The following ZZEF1 variants were observed in gnomAD, a reference collection of about 807,000 sequenced individuals.
The protein encoded by ZZEF1 is zinc finger ZZ-type and EF-hand domain containing 1.
In ZZEF1, 157 loss-of-function variants were observed where a neutral mutation model predicts 342.8. That is an observed-to-expected ratio of 0.46 (90% confidence interval 0.40 to 0.52). The LOEUF is 0.52. Among genes scored for constraint, ZZEF1 ranks in the 20% least tolerant of loss-of-function variants. ZZEF1 has a pLI of 0.00. For missense variants in ZZEF1, 3,480 were observed against 3,725.6 expected (o/e 0.93, Z 1.72); for synonymous variants, 1,505 against 1,429.1 (o/e 1.05, Z -1.20).
intron 1 of ZZEF1, among the ~76,000 whole-genome samples, chr17:4,135,531 G>A (rs1017112051): frequency 2.0e-5 from 3 of 151,872 alleles, no homozygotes; most frequent in Non-Finnish European, 4.4e-5. Flanking sequence ...CTCTGAGAGC[G>A]CTCAGCCACT....
At chr17:4,091,263 GCTGATGGGTAAACA>G (rs1160732954) in intron 11 of ZZEF1, among the ~76,000 whole-genome samples, 1 of 152,170 alleles carries the variant, frequency 6.6e-6, no homozygotes, top group Non-Finnish European at 1.5e-5. Context: ...ACTTGCAATA[GCTGATGGGTAAACA>G]TCTGAGGGCT....
rs112685422 is a variant in ZZEF1, at chr17:4,140,693, T to G, written c.354+1849A>C. ...TTAAGGGACTCCTATGAACTCTACA[T>G]AAAGTTCTATTTCTGTCAGAAACTC... On this transcript the variant is annotated intron_variant, in intron 1 of 54. Coordinates refer to ENST00000381638, the MANE Select transcript of ZZEF1 (RefSeq NM_015113.4). Among the ~76,000 whole-genome samples the G allele has an allele frequency of 7.6e-3, 1,164 of 152,308 alleles. 17 individuals carry two copies. Among genetic ancestry groups the G allele is most frequent in the African/African-American group, 0.027 (1,103 of 41,552 alleles).
chr17:4,135,726 G>A (rs949443262), intron 1 of ZZEF1, among the ~76,000 whole-genome samples: 2 of 152,118 alleles, frequency 1.3e-5, no homozygotes, highest in African/African-American at 4.8e-5. Flanking sequence ...ACAGCGATCA[G>A]GTCCTCGGAG....
At position 4,016,719 on chromosome 17, in the gene ZZEF1, C is replaced by A; in HGVS notation, c.8002-253G>T. 1 of 428,784 alleles carries A rather than the reference C, an allele frequency of 2.3e-6. No individual in the cohort carries two copies. Among genetic ancestry groups the A allele is most frequent in the Non-Finnish European group, 4.1e-6 (1 of 241,484 alleles). The allele number at this position is 428,784 out of a possible 1,614,324, so 26.6% of individuals were successfully genotyped here. On this transcript the variant is annotated intron_variant, in intron 48 of 54. Transcript: ENST00000381638. The surrounding 1 kb of genome is among the most constrained non-coding windows in gnomAD (Gnocchi z 4.4). ...GGTGGTCTGAAAGAACTAACTGAAC[C>A]AATCATAAAGGGTCCTGGTCCTTGA...
intron 11 of ZZEF1, among the ~76,000 whole-genome samples, chr17:4,092,251 C>T (rs905189128): frequency 6.7e-5 from 10 of 149,650 alleles, no homozygotes; most frequent in African/African-American, 2.2e-4. Flanking sequence ...GGAATTATGG[C>T]AAGAAGACAA....
chr17:4,036,809 ACACACACACT>A (rs1251638496), intron 39 of ZZEF1, among the ~76,000 whole-genome samples: 75 of 91,468 alleles, frequency 8.2e-4, no homozygotes, highest in Middle Eastern at 5.0e-3. Flanking sequence ...ACACACACAC[ACACACACACT>A]CTCTCTCTCT....
At chr17:4,040,641 C>A (rs1220524395) in intron 39 of ZZEF1, among the ~76,000 whole-genome samples, 3 of 152,116 alleles carry the variant, frequency 2.0e-5, no homozygotes, top group African/African-American at 7.2e-5. Flanking sequence ...AAATATGACA[C>A]AGACTTCATG....
intron 11 of ZZEF1, among the ~76,000 whole-genome samples, chr17:4,093,566 C>T (rs1051744890): frequency 2.6e-5 from 4 of 152,158 alleles, no homozygotes; most frequent in African/African-American, 9.7e-5. Context: ...AAGTATGGTC[C>T]ACAGACAGGT....
At chr17:4,044,508 A>C (rs1338872593) in intron 37 of ZZEF1, 134 bp from the exon 38 acceptor site, 6 of 757,106 alleles carry the variant, frequency 7.9e-6, no homozygotes, top group Admixed American at 3.0e-5. Flanking sequence ...AATGCCACTC[A>C]TTTCTTTTTT....
At chr17:4,117,893 C>A (rs1290234844) in intron 2 of ZZEF1, among the ~76,000 whole-genome samples, 1 of 152,046 alleles carries the variant, frequency 6.6e-6, no homozygotes, top group East Asian at 1.9e-4. Context: ...ACAATACAAC[C>A]ACTGCCATTA....
At chr17:4,051,943 T>C in intron 35 of ZZEF1, 28 bp downstream of exon 35, 9 of 1,593,262 alleles carry the variant, frequency 5.6e-6, no homozygotes, top group Non-Finnish European at 7.7e-6. Flanking sequence ...AATAAAAGGC[T>C]TGGTGGCGAC....
At chr17:4,044,995 A>T (rs2056882478) in intron 37 of ZZEF1, among the ~76,000 whole-genome samples, 1 of 152,054 alleles carries the variant, frequency 6.6e-6, no homozygotes, top group African/African-American at 2.4e-5. Context: ...CTCTACTAAA[A>T]ATACAAAAAT....
chr17:4,070,100 T>C (rs758406360), intron 26 of ZZEF1, among the ~76,000 whole-genome samples: 1 of 151,998 alleles, frequency 6.6e-6, no homozygotes. Context: ...CTAAGAGACA[T>C]GAGGAAAAGA....
intron 34 of ZZEF1, among the ~76,000 whole-genome samples, chr17:4,052,596 G>A (rs575496858): frequency 1.3e-5 from 2 of 152,366 alleles, no homozygotes; most frequent in South Asian, 2.1e-4. Flanking sequence ...GCCAGGCGTT[G>A]TGGCTCATGC....
intron 34 of ZZEF1, among the ~76,000 whole-genome samples, chr17:4,053,581 G>A (rs2057094692): frequency 1.3e-5 from 2 of 152,354 alleles, no homozygotes; most frequent in Non-Finnish European, 2.9e-5. Context: ...CTGCTGGACT[G>A]TAGATGGTTC....
chr17:4,042,551 C>G lies in ZZEF1; in HGVS notation c.6184G>C (p.Val2062Leu). The change falls in exon 39 of 55, where the codon GTG (valine) becomes CTG (leucine). Residue 2062 changes from valine (V) to leucine (L), a missense_variant. Val to Leu is a conservative substitution (Grantham distance 32). Around this residue, in one of 5 missense-constraint regions of ZZEF1, gnomAD observed 1,269 missense variants for 1,342.4 expected, o/e 0.95. Coordinates refer to ENST00000381638, the MANE Select transcript of ZZEF1 (RefSeq NM_015113.4). The stretch of plus-strand genomic sequence containing the variant: ...TCCTCTATGGGCTTCTGAGATGACA[C>G]TTCTGAATCTTCAGCATCTAAGTGG... ...TGLPDAEDSEVSSQKPIEEKA... is the reference protein window; with the variant it reads ...TGLPDAEDSELSSQKPIEEKA... 7 of 1,611,034 alleles carry G rather than the reference C, an allele frequency of 4.3e-6. No individual in the cohort carries two copies. Among genetic ancestry groups the G allele is most frequent in the Non-Finnish European group, 5.1e-6 (6 of 1,179,258 alleles).
chr17:4,129,971 G>A (rs62071046), intron 1 of ZZEF1, among the ~76,000 whole-genome samples: 23,906 of 151,954 alleles, frequency 0.16, 2,029 homozygotes, highest in African/African-American at 0.22. Context: ...ATGAGAACTC[G>A]AGAACACAAA....
chr17:4,084,719 T>C (rs2057787139), intron 16 of ZZEF1, among the ~76,000 whole-genome samples: 1 of 152,238 alleles, frequency 6.6e-6, no homozygotes, highest in Admixed American at 6.5e-5. Context: ...GGTAACACAG[T>C]GCTTATAGAT....
Position 4,008,417 on chromosome 17 carries a change from G to A in ZZEF1, c.8805+466C>T, listed in dbSNP as rs994417354. The A allele has an allele frequency of 2.5e-5, 15 of 591,900 alleles. No individual in the cohort carries two copies. The African/African-American group carries it at 2.9e-4, about 11-fold the overall frequency. 36.7% of individuals were successfully genotyped at this position (591,900 alleles called of 1,614,324 possible). ...TACACTTTTGCTTAATTTTTAAATT[G>A]AAAATCTCGTTTCTAATGGCACATA... On this transcript the variant is annotated intron_variant, in intron 54 of 54. Transcript: ENST00000381638. This position sits in a 1 kb window ranked among gnomAD's most constrained non-coding sequence, Gnocchi z 4.2.
Sources: gnomAD v4.1 joint callset for allele counts (sites outside exome capture counted in the v4.1 genomes callset) on GRCh38, gnomAD v4.1.1 for gene constraint, gnomAD v4.1.1 regional missense constraint, Gnocchi (gnomAD v3.1) non-coding constraint, MANE v1.5 for transcripts, NCBI Gene and HGNC (gene_info 2026-07-23, HGNC 2026-07-21) for gene names.